The following DLG2 variants were observed in gnomAD, a reference collection of about 807,000 sequenced individuals.
The protein encoded by DLG2 is discs large MAGUK scaffold protein 2, also known as disks large homolog 2.
Under a neutral mutation model 132.5 loss-of-function variants are expected in DLG2, and 45 were observed. That is an observed-to-expected ratio of 0.34 (90% CI 0.27 to 0.44). The LOEUF (loss-of-function observed/expected upper bound fraction) is 0.44. Among genes scored for constraint, DLG2 ranks in the 20% least tolerant of loss-of-function variants. The pLI is 1.00. For synonymous variants in DLG2, 424 were observed against 419.6 expected (o/e 1.01, Z -0.13); for missense variants, 1,045 against 1,196.9 (o/e 0.87, Z 1.87).
chr11:84,100,479 G>GT (rs2092427416), intron 9 of DLG2, among the ~76,000 whole-genome samples: 1 of 151,406 alleles, frequency 6.6e-6, no homozygotes, highest in South Asian at 2.1e-4. Flanking sequence ...TCATGGTTGT[G>GT]TTGTAATTTT....
chr11:85,233,245 G>T (rs1266013703), intron 4 of DLG2, among the ~76,000 whole-genome samples: 1 of 151,684 alleles, frequency 6.6e-6, no homozygotes. Context: ...TTTCTTAGAG[G>T]CATACAAAGG....
chr11:83,665,460 T>C (rs944296803), intron 18 of DLG2, among the ~76,000 whole-genome samples: 3 of 152,180 alleles, frequency 2.0e-5, no homozygotes, highest in Admixed American at 6.5e-5. Context: ...TAGAGCAATA[T>C]AGAGTACAAA....
intron 6 of DLG2, among the ~76,000 whole-genome samples, chr11:84,617,461 T>C (rs1255960133): frequency 1.3e-5 from 2 of 152,162 alleles, no homozygotes; most frequent in Admixed American, 6.6e-5. Flanking sequence ...GCATGTGTCT[T>C]TATAGTAGAT....
chr11:84,623,681 T>C (rs764056917), intron 6 of DLG2, among the ~76,000 whole-genome samples: 26 of 152,284 alleles, frequency 1.7e-4, no homozygotes, highest in Middle Eastern at 3.4e-3. Flanking sequence ...ACTACCTCAA[T>C]TACTTGTTTT....
intron 18 of DLG2, among the ~76,000 whole-genome samples, chr11:83,671,302 AT>A (rs1400141585): frequency 2.0e-5 from 3 of 152,348 alleles, no homozygotes; most frequent in African/African-American, 7.2e-5. Context: ...ATTGAGATTT[AT>A]TTCTTAAGAA....
intron 20 of DLG2, among the ~76,000 whole-genome samples, chr11:83,537,807 C>CAAAAAAAAA (rs1164386994): frequency 2.7e-4 from 5 of 18,298 alleles, no homozygotes; most frequent in Non-Finnish European, 5.1e-4. Flanking sequence ...GACTCTGTCT[C>CAAAAAAAAA]AAAAAAAAAA....
chr11:85,218,454 A>G (rs2082764330), intron 4 of DLG2, among the ~76,000 whole-genome samples: 1 of 152,224 alleles, frequency 6.6e-6, no homozygotes, highest in African/African-American at 2.4e-5. Context: ...GCCAAAAAAC[A>G]TCTGAAAAAA....
At chr11:84,921,004 T>C (rs2092728135) in intron 6 of DLG2, among the ~76,000 whole-genome samples, 1 of 152,148 alleles carries the variant, frequency 6.6e-6, no homozygotes, top group African/African-American at 2.4e-5. Context: ...TGAGAAACTA[T>C]ATACCATAAG....
chr11:83,853,561 A>G (rs2060091756), intron 16 of DLG2, among the ~76,000 whole-genome samples: 1 of 152,190 alleles, frequency 6.6e-6, no homozygotes, highest in Non-Finnish European at 1.5e-5. Flanking sequence ...CACTAAAGTT[A>G]TAATCTTGTA....
intron 6 of DLG2, among the ~76,000 whole-genome samples, chr11:84,998,123 G>T (rs922699633): frequency 3.3e-5 from 5 of 151,624 alleles, no homozygotes; most frequent in Non-Finnish European, 5.9e-5. Flanking sequence ...ATATTAGGTT[G>T]GTGCAAAAGT....
intron 8 of DLG2, among the ~76,000 whole-genome samples, chr11:84,167,286 A>T (rs1189881202): frequency 2.1e-4 from 32 of 152,202 alleles, no homozygotes; most frequent in Non-Finnish European, 1.6e-4. Flanking sequence ...TAGCCTTCCT[A>T]GAATCATATG....
chr11:85,414,978 T>C (rs1315027015), intron 3 of DLG2, among the ~76,000 whole-genome samples: 1 of 152,048 alleles, frequency 6.6e-6, no homozygotes, highest in African/African-American at 2.4e-5. Flanking sequence ...GTCATCTACA[T>C]GAGGTATTTC....
intron 6 of DLG2, among the ~76,000 whole-genome samples, chr11:85,004,902 A>G (rs2058517446): frequency 6.6e-6 from 1 of 152,176 alleles, no homozygotes; most frequent in South Asian, 2.1e-4. Flanking sequence ...TAATTTTTGT[A>G]TAAGGTGAAA....
intron 7 of DLG2, among the ~76,000 whole-genome samples, chr11:84,410,263 C>G (rs1330383555): frequency 6.6e-6 from 1 of 152,106 alleles, no homozygotes; most frequent in Non-Finnish European, 1.5e-5. Flanking sequence ...AAGTCACATA[C>G]CTGGTTAGGC....
chr11:83,471,662 A>T lies in DLG2; in HGVS notation c.2410T>A (p.Ser804Thr), dbSNP rs751722823. The change falls in exon 24 of 28, where the codon TCT (serine) becomes ACT (threonine). Residue 804 changes from serine (S) to threonine (T), a missense_variant. Physicochemically the swap from Ser to Thr is moderately conservative, Grantham distance 58 (BLOSUM62 1). Transcript: ENST00000376104. ...MKDRINDDLI[S>T]EFPDKFGSCV... Reference sequence around the variant, plus strand: ...GAGCCAAATTTATCAGGGAATTCAGATATCAAGTCGTCATTGATCCGATCC... The same window carrying T: ...GAGCCAAATTTATCAGGGAATTCAGTTATCAAGTCGTCATTGATCCGATCC... 6.2e-7 allele frequency: 1 copy of T among 1,613,262 alleles called. No homozygotes were observed. Among genetic ancestry groups the T allele is most frequent in the Non-Finnish European group, 8.5e-7 (1 of 1,179,450 alleles).
intron 6 of DLG2, among the ~76,000 whole-genome samples, chr11:84,778,601 G>T (rs182861253): frequency 6.6e-6 from 1 of 152,136 alleles, no homozygotes; most frequent in East Asian, 1.9e-4. Flanking sequence ...TTTTATTTGT[G>T]TTATCTACAA....
intron 6 of DLG2, among the ~76,000 whole-genome samples, chr11:84,745,359 A>AT (rs1159415819): frequency 6.6e-6 from 1 of 152,102 alleles, no homozygotes; most frequent in Non-Finnish European, 1.5e-5. Context: ...TCTTGTTTAA[A>AT]AGTGTATAGC....
intron 6 of DLG2, among the ~76,000 whole-genome samples, chr11:84,798,437 T>C (rs2074951959): frequency 6.6e-6 from 1 of 152,164 alleles, no homozygotes; most frequent in Admixed American, 6.5e-5. Flanking sequence ...AAGGAGGCTC[T>C]CTCCATGATC....
intron 20 of DLG2, among the ~76,000 whole-genome samples, chr11:83,536,036 C>T (rs1248188737): frequency 2.0e-5 from 3 of 152,162 alleles, no homozygotes; most frequent in Non-Finnish European, 2.9e-5. Flanking sequence ...CTGCATTATC[C>T]AAATTCTCAA....
Sources: allele counts gnomAD v4.1 joint callset (sites outside exome capture counted in the v4.1 genomes callset), GRCh38; gene constraint gnomAD v4.1.1; transcripts MANE v1.5; gene names NCBI Gene and HGNC (gene_info 2026-07-23, HGNC 2026-07-21).